The following KDM4C variants were observed in gnomAD, a reference collection of about 807,000 sequenced individuals.
The protein encoded by KDM4C is lysine-specific demethylase 4C.
KDM4C carries 81 observed loss-of-function variants against 129.3 expected under a neutral mutation model. The observed-to-expected ratio is 0.63, with a 90% CI of 0.52 to 0.75. The LOEUF (loss-of-function observed/expected upper bound fraction) is 0.75. Among genes scored for constraint, KDM4C ranks in the 30% least tolerant of loss-of-function variants. The pLI is 0.00. For missense variants in KDM4C, 1,457 were observed against 1,304.0 expected, an observed-to-expected ratio of 1.12 and a Z score of -1.81; for synonymous variants, 573 against 456.1, an observed-to-expected ratio of 1.26 and a Z score of -3.26.
intron 4 of KDM4C, among the ~76,000 whole-genome samples, chr9:6,826,273 T>C (rs990130850): frequency 1.3e-5 from 2 of 152,118 alleles, no homozygotes; most frequent in African/African-American, 4.8e-5. Flanking sequence ...TCTATAAGTA[T>C]AAATTACACC....
chr9:6,930,562 T>A (rs149464857), intron 8 of KDM4C, among the ~76,000 whole-genome samples: 1 of 148,786 alleles, frequency 6.7e-6, no homozygotes, highest in Non-Finnish European at 1.5e-5. Context: ...CAGTATGTTA[T>A]ATATGTTATC....
At chr9:7,156,127 T>C (rs1229115072) in intron 19 of KDM4C, among the ~76,000 whole-genome samples, 1 of 152,226 alleles carries the variant, frequency 6.6e-6, no homozygotes, top group Non-Finnish European at 1.5e-5. Context: ...CATTTTTTCA[T>C]GTGTCTGTTG....
chr9:7,097,504 G>A (rs552232207), intron 17 of KDM4C, among the ~76,000 whole-genome samples: 1 of 152,296 alleles, frequency 6.6e-6, no homozygotes, highest in South Asian at 2.1e-4. Context: ...TCCATGACCT[G>A]AGTCATCAAA....
chr9:6,945,321 T>G (rs986002211), intron 8 of KDM4C, among the ~76,000 whole-genome samples: 1 of 152,232 alleles, frequency 6.6e-6, no homozygotes, highest in Admixed American at 6.5e-5. Flanking sequence ...AACAATTAAC[T>G]AAACCAATTT....
intron 12 of KDM4C, among the ~76,000 whole-genome samples, chr9:7,004,374 A>G (rs1821272925): frequency 6.6e-6 from 1 of 152,246 alleles, no homozygotes; most frequent in Non-Finnish European, 1.5e-5. Context: ...ACATATTTTT[A>G]TAACTATGAA....
At chr9:6,767,627 G>A (rs569788709) in intron 1 of KDM4C, among the ~76,000 whole-genome samples, 57 of 152,136 alleles carry the variant, frequency 3.7e-4, no homozygotes, top group African/African-American at 1.3e-3. Context: ...TACAGATGGG[G>A]TTTTGCCGTT....
chr9:6,789,115 T>A (rs564500159), intron 1 of KDM4C, among the ~76,000 whole-genome samples: 43 of 150,666 alleles, frequency 2.9e-4, no homozygotes, highest in Non-Finnish European at 5.8e-4. Flanking sequence ...AGTGGCACAG[T>A]CTTGGCTCAC....
upstream of KDM4C, among the ~76,000 whole-genome samples, chr9:6,753,846 T>C (rs1447595160): frequency 6.7e-6 from 1 of 149,280 alleles, no homozygotes; most frequent in African/African-American, 2.4e-5. Context: ...ATAAAAACAC[T>C]AAGTATTACT....
At chr9:7,068,436 T>C (rs10815511) in intron 17 of KDM4C, among the ~76,000 whole-genome samples, 120,026 of 152,080 alleles carry the variant, frequency 0.79, 47,771 homozygotes, top group African/African-American at 0.88. Context: ...CTCAGGTGTA[T>C]GATTTGCTGC....
intron 8 of KDM4C, among the ~76,000 whole-genome samples, chr9:6,952,845 A>G (rs964829417): frequency 5.9e-5 from 9 of 152,224 alleles, no homozygotes; most frequent in South Asian, 4.1e-4. Context: ...GTGGTTCTCT[A>G]TAAGTGGTTG....
At chr9:6,726,187 G>T (rs1453046869) in intron 1 of KDM4C, among the ~76,000 whole-genome samples, 5 of 152,028 alleles carry the variant, frequency 3.3e-5, no homozygotes, top group East Asian at 1.9e-4. Context: ...GCCTCCCAAA[G>T]TGCTGGGATT....
intron 19 of KDM4C, among the ~76,000 whole-genome samples, chr9:7,152,770 CATGGCA>C (rs1842836418): frequency 6.6e-6 from 1 of 152,184 alleles, no homozygotes; most frequent in Admixed American, 6.5e-5. Flanking sequence ...GGCGAAGGAA[CATGGCA>C]TGAACTCAGT....
At chr9:6,908,714 A>G (rs1589047713) in intron 8 of KDM4C, among the ~76,000 whole-genome samples, 1 of 152,128 alleles carries the variant, frequency 6.6e-6, no homozygotes, top group Non-Finnish European at 1.5e-5. Context: ...AATTGGGGAC[A>G]TTAAGTAGAT....
intron 19 of KDM4C, among the ~76,000 whole-genome samples, chr9:7,162,555 A>G (rs1428229053): frequency 1.3e-5 from 2 of 152,236 alleles, no homozygotes; most frequent in Non-Finnish European, 2.9e-5. Context: ...TAATAAAACT[A>G]TGTTTTTAGG....
chr9:6,997,048 T>C (rs1278841602), intron 12 of KDM4C, among the ~76,000 whole-genome samples: 1 of 152,188 alleles, frequency 6.6e-6, no homozygotes, highest in Non-Finnish European at 1.5e-5. Flanking sequence ...GTCAGTCGGC[T>C]CCAGCACTCT....
At chr9:7,095,770 C>G (rs1040785445) in intron 17 of KDM4C, among the ~76,000 whole-genome samples, 1 of 152,130 alleles carries the variant, frequency 6.6e-6, no homozygotes, top group Non-Finnish European at 1.5e-5. Flanking sequence ...GCATACACAT[C>G]AGTGACTCTA....
chr9:6,791,859 C>T lies in KDM4C; in HGVS notation c.-17-1113C>T, dbSNP rs139579654. Among the ~76,000 whole-genome samples, 1,258 of 152,026 alleles carry T rather than the reference C, an allele frequency of 8.3e-3. 17 individuals are homozygous for T. Among genetic ancestry groups the T allele is most frequent in the African/African-American group, 0.028 (1,176 of 41,472 alleles). Reference sequence around the variant, plus strand: ...CCAACATGGAGAAACCCCATTTTTACTAAAAATACAAAATTACCTGGGTGT... The same window carrying T: ...CCAACATGGAGAAACCCCATTTTTATTAAAAATACAAAATTACCTGGGTGT... On this transcript the variant is annotated intron_variant, in intron 1 of 21. Coordinates refer to ENST00000381309, the MANE Select transcript of KDM4C (RefSeq NM_015061.6).
Position 6,778,345 on chromosome 9 carries a change from C to T in KDM4C, c.-17-14627C>T, listed in dbSNP as rs556520041. ...CCTTAGGTGATCCTCCCGCTTGGGC[C>T]TCCCAAAGTCCTGGGATTATGGGCA... On this transcript the variant is annotated intron_variant, in intron 1 of 21. Coordinates refer to ENST00000381309, the MANE Select transcript of KDM4C (RefSeq NM_015061.6). 5.7e-4 allele frequency among the ~76,000 whole-genome samples: 87 copies of T among 151,752 alleles called. 1 individual carries two copies. Among genetic ancestry groups the T allele is most frequent in the African/African-American group, 2.0e-3 (83 of 41,442 alleles).
chr9:6,727,253 C>A (rs1213271409), intron 1 of KDM4C: 1 of 151,272 alleles, frequency 6.6e-6, no homozygotes, highest in Non-Finnish European at 1.5e-5. Context: ...GAGTTCGAGA[C>A]CAGACTGGCC....
Sources: allele counts gnomAD v4.1 joint callset (sites outside exome capture counted in the v4.1 genomes callset), GRCh38; gene constraint gnomAD v4.1.1; transcripts MANE v1.5; gene names NCBI Gene and HGNC (gene_info 2026-07-23, HGNC 2026-07-21).